Variants in OSBPL5 observed in about 807,000 individuals in gnomAD.
OSBPL5 encodes the protein oxysterol binding protein like 5, also known as oxysterol-binding protein-related protein 5.
Under a neutral mutation model 111.2 loss-of-function variants are expected in OSBPL5, and 71 were observed. The observed-to-expected ratio is 0.64, with a 90% CI of 0.53 to 0.78. The LOEUF (loss-of-function observed/expected upper bound fraction) is 0.78. OSBPL5 is among the 30% of genes least tolerant of loss of function. The pLI is 0.00. For missense variants in OSBPL5, 1,210 were observed against 1,189.3 expected (o/e 1.02, Z -0.26); for synonymous variants, 549 against 513.9 (o/e 1.07, Z -0.93).
At position 3,120,639 on chromosome 11, in the gene OSBPL5, C is replaced by T. The variant is rs777670095; in HGVS notation, c.403-15G>A. On this transcript the variant is annotated splice_polypyrimidine_tract_variant and intron_variant, in intron 5 of 21. Coordinates refer to ENST00000263650, the MANE Select transcript of OSBPL5 (RefSeq NM_020896.4). ...GTGCCGCGGATCTGCAGGGAGGATG[C>T]TGGCGTCGATGCCCACCCTCTGGGG... The T allele has an allele frequency of 1.2e-6, 2 of 1,610,032 alleles. No homozygotes were observed. Among genetic ancestry groups the T allele is most frequent in the South Asian group, 1.1e-5 (1 of 91,038 alleles).
rs935274951 is a variant in OSBPL5 at position 3,101,557 on chromosome 11, C to A, written c.1522+46G>T. ...TGGCTCCCGGAGTCCTCCCGACCATCGCATTTCCCTGAGGCCCCAGGGAGC... is the reference window on the plus strand; with the variant it reads ...TGGCTCCCGGAGTCCTCCCGACCATAGCATTTCCCTGAGGCCCCAGGGAGC... On this transcript the variant is annotated intron_variant, in intron 13 of 21. Transcript: ENST00000263650. 11 of 1,546,468 alleles carry A rather than the reference C, an allele frequency of 7.1e-6. No homozygotes were observed. In the Admixed American group the frequency reaches 1.2e-4, roughly 17 times the overall value.
At position 3,138,983 on chromosome 11, in the gene OSBPL5, T is replaced by A. The variant is rs116487792; in HGVS notation, c.-21-9814A>T. ...GGACGCGGCTGCTGTGGGCCAAGAC[T>A]GAGGTCCGTCTCCGCCCTCCAGGGG... is the stretch of plus-strand genomic sequence containing the variant. On this transcript the variant is annotated intron_variant, in intron 1 of 21. Coordinates refer to ENST00000263650, the MANE Select transcript of OSBPL5 (RefSeq NM_020896.4). 4.8e-3 allele frequency among the ~76,000 whole-genome samples: 734 copies of A among 152,330 alleles called. 4 individuals carry two copies. The highest frequency in any genetic ancestry group is 0.017 in the African/African-American group (719 of 41,596).
intron 7 of OSBPL5, among the ~76,000 whole-genome samples, chr11:3,112,198 T>C (rs1409257798): frequency 2.0e-5 from 3 of 152,346 alleles, no homozygotes; most frequent in Admixed American, 2.0e-4. Flanking sequence ...ACCTTGTCTT[T>C]TTTTGAGCAA....
intron 14 of OSBPL5, among the ~76,000 whole-genome samples, chr11:3,097,275 T>C (rs1857306428): frequency 6.6e-6 from 1 of 151,932 alleles, no homozygotes; most frequent in African/African-American, 2.4e-5. Flanking sequence ...TTCCGAGACA[T>C]TTCCACTAAG....
intron 5 of OSBPL5, among the ~76,000 whole-genome samples, 187 bp from the exon 6 acceptor site, chr11:3,120,811 T>C (rs1030531762): frequency 2.0e-5 from 3 of 152,208 alleles, no homozygotes; most frequent in Non-Finnish European, 4.4e-5. Context: ...GGTGATGTCC[T>C]GTGTCTATCG....
At chr11:3,108,429 C>T (rs951844541) in intron 7 of OSBPL5, among the ~76,000 whole-genome samples, 2 of 152,104 alleles carry the variant, frequency 1.3e-5, no homozygotes, top group Non-Finnish European at 2.9e-5. Flanking sequence ...AAGCACTGGT[C>T]AGGGTGCCAG....
In OSBPL5 at chr11:3,088,334, C is replaced by G; in HGVS notation, c.2511G>C (p.Ser837=). 2 of 1,570,420 alleles carry G rather than the reference C, an allele frequency of 1.3e-6. No homozygotes were observed. The highest frequency in any genetic ancestry group is 1.7e-6 in the Non-Finnish European group (2 of 1,161,454). Reference sequence around the variant, plus strand: ...CCCGTGCCGTGGAGCTCAGCATGGCCGAGAGGTGCCTGCAAGGACAGGCGA... The same window carrying G: ...CCCGTGCCGTGGAGCTCAGCATGGCGGAGAGGTGCCTGCAAGGACAGGCGA... The part of the protein sequence containing the change: ...EAQQELHRHL[S]AMLSSTARAA... Residue 837 remains serine (S), a synonymous_variant, in exon 22 of 22, where the codon TCG becomes TCC. Coordinates refer to ENST00000263650, the MANE Select transcript of OSBPL5 (RefSeq NM_020896.4).
In OSBPL5 at chr11:3,103,137, G is replaced by A. The variant is rs1294898297; in HGVS notation, c.1326+102C>T. ...CCAGGATCCTTCTAAGCCATGTGGG[G>A]TAGGGGGTGGCCCGGGGACTCAGGG... On this transcript the variant is annotated intron_variant, in intron 11 of 21. Coordinates refer to ENST00000263650, the MANE Select transcript of OSBPL5 (RefSeq NM_020896.4). 4.0e-6 allele frequency: 4 copies of A among 1,012,376 alleles called. No homozygotes were observed. The East Asian group carries it at 8.2e-5, about 21-fold the overall frequency. The allele number at this position is 1,012,376 out of a possible 1,614,324, so 62.7% of individuals were successfully genotyped here.
intron 1 of OSBPL5, among the ~76,000 whole-genome samples, chr11:3,158,719 A>G (rs1168311689): frequency 1.3e-5 from 2 of 152,246 alleles, no homozygotes; most frequent in African/African-American, 4.8e-5. Flanking sequence ...AAGATTTCCA[A>G]TCACTCAGTC....
intron 10 of OSBPL5, among the ~76,000 whole-genome samples, chr11:3,103,756 G>GCTCTGCAGCCCCCTTCCAGT (rs1554896272): frequency 1.8e-5 from 1 of 56,804 alleles, no homozygotes; most frequent in Non-Finnish European, 3.8e-5. Flanking sequence ...CCCTCTTCCA[G>GCTCTGCAGCCCCCTTCCAGT]CTCTGCAGCC....
At position 3,093,545 on chromosome 11, in the gene OSBPL5, G is replaced by A. The variant is rs372329762; in HGVS notation, c.1928C>T (p.Thr643Met). The change falls in exon 17 of 22, where the codon ACG becomes ATG. Residue 643 changes from threonine (T) to methionine (M), a missense_variant. Physicochemically the swap from Thr to Met is moderately conservative, Grantham distance 81. Coordinates refer to ENST00000263650, the MANE Select transcript of OSBPL5 (RefSeq NM_020896.4). Reference sequence around the variant, plus strand: ...GCCTCACCTCTCGGACTCCAGCTCCGTCTGCTCCTCCAGCGGCACCGTGTG... The same window carrying A: ...GCCTCACCTCTCGGACTCCAGCTCCATCTGCTCCTCCAGCGGCACCGTGTG... The part of the protein sequence containing the change: ...RQHTVPLEEQ[T>M]ELESERLWQH... 1.6e-5 allele frequency: 26 copies of A among 1,610,262 alleles called. No individual in the cohort carries two copies. In the African/African-American group the frequency reaches 2.5e-4, roughly 16 times the overall value.
At chr11:3,122,969 T>C (rs7103109) in intron 3 of OSBPL5, among the ~76,000 whole-genome samples, 114,730 of 152,230 alleles carry the variant, frequency 0.75, 44,373 homozygotes, top group African/African-American at 0.91. Flanking sequence ...GTCTTCCCCC[T>C]ACGGTACCCA....
Position 3,141,739 on chromosome 11 carries a change from C to A in OSBPL5, c.-21-12570G>T, listed in dbSNP as rs1394027927. Among the ~76,000 whole-genome samples, 1 of 152,132 alleles carries A rather than the reference C, an allele frequency of 6.6e-6. No homozygotes were observed. The highest frequency in any genetic ancestry group is 2.4e-5 in the African/African-American group (1 of 41,420). ...TACGCCACCCTTGCATGTGTGTCCT[C>A]CCCTGGGCACAGGATGCTAAATGGG... On this transcript the variant is annotated intron_variant, in intron 1 of 21. Transcript: ENST00000263650. The surrounding 1 kb of genome is among the most constrained non-coding windows in gnomAD (Gnocchi z 6.5).
chr11:3,093,221 G>C (rs1338608601), intron 17 of OSBPL5, among the ~76,000 whole-genome samples, 169 bp from the exon 18 acceptor site: 3 of 152,198 alleles, frequency 2.0e-5, no homozygotes, highest in Non-Finnish European at 4.4e-5. Context: ...TTTTGTCCAT[G>C]AGATGGGTTT....
intron 14 of OSBPL5, among the ~76,000 whole-genome samples, chr11:3,099,520 C>T (rs1857383973): frequency 6.6e-6 from 1 of 151,970 alleles, no homozygotes; most frequent in Non-Finnish European, 1.5e-5. Context: ...TCTGTAAACA[C>T]AACACTACTG....
At chr11:3,158,823 G>A (rs142219585) in intron 1 of OSBPL5, among the ~76,000 whole-genome samples, 1 of 152,354 alleles carries the variant, frequency 6.6e-6, no homozygotes, top group East Asian at 1.9e-4. Flanking sequence ...GGAGCAGATG[G>A]ACAGAAGCCC....
intron 7 of OSBPL5, among the ~76,000 whole-genome samples, chr11:3,111,729 A>AG (rs1023309811): frequency 7.1e-6 from 1 of 141,534 alleles, no homozygotes; most frequent in Non-Finnish European, 1.6e-5. Context: ...GGCCAGCAAA[A>AG]GGAAAAAAAA....
At chr11:3,115,931 A>G (rs1004570873) in intron 7 of OSBPL5, among the ~76,000 whole-genome samples, 2 of 149,010 alleles carry the variant, frequency 1.3e-5, no homozygotes, top group Non-Finnish European at 3.0e-5. Context: ...GAATTATTTT[A>G]CAATGACTTG....
chr11:3,138,669 G>T (rs1202491565), intron 1 of OSBPL5, among the ~76,000 whole-genome samples: 1 of 152,234 alleles, frequency 6.6e-6, no homozygotes, highest in Non-Finnish European at 1.5e-5. Context: ...CACACCTGGG[G>T]CCTCTTCTGG....
Sources: allele counts gnomAD v4.1 joint callset (sites outside exome capture counted in the v4.1 genomes callset), GRCh38; gene constraint gnomAD v4.1.1; non-coding constraint Gnocchi (gnomAD v3.1); transcripts MANE v1.5; gene names NCBI Gene and HGNC (gene_info 2026-07-23, HGNC 2026-07-21).